RCAN1: variants seen among roughly 807,000 people sequenced by gnomAD.
The protein encoded by RCAN1 is regulator of calcineurin 1.
RCAN1 carries 11 observed loss-of-function variants against 22.9 expected under a neutral mutation model. That is an observed-to-expected ratio of 0.48 (90% CI 0.30 to 0.79). The LOEUF (loss-of-function observed/expected upper bound fraction) is 0.79. RCAN1 is among the 30% of genes least tolerant of loss of function. The pLI, the probability that RCAN1 is intolerant of heterozygous loss-of-function variation, is 0.06. For synonymous variants in RCAN1, 136 were observed against 142.3 expected (o/e 0.96, Z 0.32); for missense variants, 291 against 337.8 (o/e 0.86, Z 1.09).
chr21:34,601,238 T>C (rs1988330010), intron 1 of RCAN1, among the ~76,000 whole-genome samples: 2 of 152,236 alleles, frequency 1.3e-5, no homozygotes. Flanking sequence ...ATAAAATTGC[T>C]AACTCATACT....
chr21:34,611,965 C>T lies in RCAN1; in HGVS notation c.252+2795G>A, dbSNP rs546801252. Among the ~76,000 whole-genome samples the T allele has an allele frequency of 6.6e-5, 10 of 152,294 alleles. No homozygotes were observed. The East Asian group carries it at 1.9e-3, about 29-fold the overall frequency. On this transcript the variant is annotated intron_variant, in intron 1 of 3. Transcript: ENST00000313806. ...CTGGTTTTTGGGTTTTCACTGATTGCTGTATATCTCACAGGACCCTAGAAT... is the reference window on the plus strand; with the variant it reads ...CTGGTTTTTGGGTTTTCACTGATTGTTGTATATCTCACAGGACCCTAGAAT...
At chr21:34,566,201 G>C (rs1196139502) in intron 1 of RCAN1, among the ~76,000 whole-genome samples, 1 of 152,112 alleles carries the variant, frequency 6.6e-6, no homozygotes, top group Non-Finnish European at 1.5e-5. Context: ...TCCAGCCCCA[G>C]AGTGGATTGC....
chr21:34,549,777 T>C, intron 1 of RCAN1, among the ~76,000 whole-genome samples: 1 of 152,048 alleles, frequency 6.6e-6, no homozygotes, highest in East Asian at 1.9e-4. Context: ...TTTGCCAACA[T>C]TATCAGTTTA....
In RCAN1 at chr21:34,555,263, T is replaced by C. The variant is rs559991256; in HGVS notation, c.253-31553A>G. On this transcript the variant is annotated intron_variant, in intron 1 of 3. Coordinates refer to ENST00000313806, the MANE Select transcript of RCAN1 (RefSeq NM_004414.7). Reference sequence around the variant, plus strand: ...GATTCTAACGCAAACACGCTAATTATAAAAAGACATTCATGAGCCAATCGG... The same window carrying C: ...GATTCTAACGCAAACACGCTAATTACAAAAAGACATTCATGAGCCAATCGG... 4.6e-5 allele frequency among the ~76,000 whole-genome samples: 7 copies of C among 152,314 alleles called. No homozygotes were observed. In the East Asian group the frequency reaches 7.7e-4, roughly 17 times the overall value.
intron 1 of RCAN1, among the ~76,000 whole-genome samples, chr21:34,538,862 C>T (rs1035269667): frequency 2.6e-5 from 4 of 152,158 alleles, no homozygotes; most frequent in African/African-American, 9.7e-5. Context: ...TGGGGTGTGT[C>T]ACTGTGACCA....
At chr21:34,587,688 G>T (rs994956669) in intron 1 of RCAN1, among the ~76,000 whole-genome samples, 7 of 152,196 alleles carry the variant, frequency 4.6e-5, no homozygotes, top group African/African-American at 1.7e-4. Flanking sequence ...AAATGGAAAT[G>T]TGATATATTC....
At position 34,610,605 on chromosome 21, in the gene RCAN1, C is replaced by T. The variant is rs536871931; in HGVS notation, c.252+4155G>A. 3.9e-5 allele frequency among the ~76,000 whole-genome samples: 6 copies of T among 152,298 alleles called. No homozygotes were observed. In the East Asian group the frequency reaches 5.8e-4, roughly 15 times the overall value. On this transcript the variant is annotated intron_variant, in intron 1 of 3. Coordinates refer to ENST00000313806, the MANE Select transcript of RCAN1 (RefSeq NM_004414.7). Reference sequence around the variant, plus strand: ...CGATGCCTCTGGTCAGGCCAAACCCCGGCTTCAGACAATGGTTCCCAACCT... The same window carrying T: ...CGATGCCTCTGGTCAGGCCAAACCCTGGCTTCAGACAATGGTTCCCAACCT...
intron 1 of RCAN1, among the ~76,000 whole-genome samples, chr21:34,591,112 C>G (rs1987959242): frequency 6.6e-6 from 1 of 152,188 alleles, no homozygotes; most frequent in Admixed American, 6.5e-5. Flanking sequence ...GTCCTCACTC[C>G]CTGAACACTG....
At chr21:34,519,485 G>A (rs1215696323) in intron 3 of RCAN1, among the ~76,000 whole-genome samples, 5 of 134,464 alleles carry the variant, frequency 3.7e-5, no homozygotes, top group African/African-American at 5.5e-5. Flanking sequence ...TGCAACCTCC[G>A]CCTCCCAGGT....
At chr21:34,529,847 A>G (rs1985278550) in intron 1 of RCAN1, among the ~76,000 whole-genome samples, 1 of 152,140 alleles carries the variant, frequency 6.6e-6, no homozygotes, top group African/African-American at 2.4e-5. Flanking sequence ...AGGTAATTGA[A>G]TCATGGGGGG....
At chr21:34,609,218 G>A (rs1440919616) in intron 1 of RCAN1, among the ~76,000 whole-genome samples, 2 of 152,160 alleles carry the variant, frequency 1.3e-5, no homozygotes, top group Admixed American at 6.5e-5. Flanking sequence ...GCCTCCTAAT[G>A]CTCAGAGATC....
intron 1 of RCAN1, among the ~76,000 whole-genome samples, chr21:34,571,167 C>T (rs1987221602): frequency 6.6e-6 from 1 of 152,114 alleles, no homozygotes; most frequent in Non-Finnish European, 1.5e-5. Flanking sequence ...GTGATGCATG[C>T]CTATAATCCC....
chr21:34,552,664 G>A (rs1232876492), intron 1 of RCAN1, among the ~76,000 whole-genome samples: 1 of 142,530 alleles, frequency 7.0e-6, no homozygotes, highest in South Asian at 2.2e-4. Flanking sequence ...TCCATTACAT[G>A]TGCCTATTAA....
intron 3 of RCAN1, among the ~76,000 whole-genome samples, chr21:34,519,397 C>CTTTTTTTTTTTTT (rs34152667): frequency 3.8e-4 from 39 of 102,772 alleles, no homozygotes; most frequent in Non-Finnish European, 5.5e-4. Flanking sequence ...TTCTTTCTTT[C>CTTTTTTTTTTTTT]TTTTTTTTTT....
At chr21:34,523,975 G>A (rs1190931971) in intron 1 of RCAN1, 2 of 278,862 alleles carry the variant, frequency 7.2e-6, no homozygotes. Flanking sequence ...TAGAGACGGG[G>A]CTTTGCCATG....
At chr21:34,554,464 G>A (rs1287150596) in intron 1 of RCAN1, among the ~76,000 whole-genome samples, 1 of 152,172 alleles carries the variant, frequency 6.6e-6, no homozygotes. Context: ...GTGAGAGGCG[G>A]ATCAGGAATT....
intron 1 of RCAN1, among the ~76,000 whole-genome samples, chr21:34,536,387 G>A (rs1985672664): frequency 6.6e-6 from 1 of 152,164 alleles, no homozygotes. Context: ...CAAAAACCTG[G>A]GGAAGAACAA....
intron 1 of RCAN1, among the ~76,000 whole-genome samples, chr21:34,610,116 G>A (rs1988643507): frequency 6.6e-6 from 1 of 152,142 alleles, no homozygotes; most frequent in African/African-American, 2.4e-5. Context: ...TCTCCTGCTA[G>A]GATGTCACAT....
At chr21:34,595,046 T>A (rs956211059) in intron 1 of RCAN1, among the ~76,000 whole-genome samples, 6 of 152,228 alleles carry the variant, frequency 3.9e-5, no homozygotes, top group African/African-American at 1.4e-4. Flanking sequence ...ATGGGGACAG[T>A]CATAGTATCT....
Sources: gnomAD v4.1 joint callset for allele counts (sites outside exome capture counted in the v4.1 genomes callset) on GRCh38, gnomAD v4.1.1 for gene constraint, MANE v1.5 for transcripts, NCBI Gene and HGNC (gene_info 2026-07-23, HGNC 2026-07-21) for gene names.